The following HSPG2 variants were observed in gnomAD, a reference collection of about 807,000 sequenced individuals.
HSPG2 encodes the protein basement membrane-specific heparan sulfate proteoglycan core protein.
A neutral mutation model predicts 526.6 loss-of-function variants in HSPG2; 278 were observed. The ratio of observed to expected loss-of-function variants is 0.53; its 90% CI spans 0.48 to 0.58. The LOEUF (loss-of-function observed/expected upper bound fraction) is 0.58. Among genes scored for constraint, HSPG2 ranks in the 20% least tolerant of loss-of-function variants. HSPG2 has a pLI of 0.00. For synonymous variants in HSPG2, 2,465 were observed against 2,555.4 expected (o/e 0.96, Z 1.07); for missense variants, 5,354 against 6,099.5 (o/e 0.88, Z 4.07).
chr1:21,830,224 T>C, intron 85 of HSPG2, 133 bp from the exon 86 acceptor site: 1 of 738,876 alleles, frequency 1.4e-6, no homozygotes, highest in East Asian at 2.7e-5. Flanking sequence ...CTGGGAGGCC[T>C]TGGAGGAGGG....
chr1:21,836,929 T>A lies in HSPG2; in HGVS notation c.10228A>T (p.Thr3410Ser). Residue 3410 changes from threonine to serine, a missense_variant, in exon 75 of 97, where the codon ACC becomes TCC. Coordinates refer to ENST00000374695, the MANE Select transcript of HSPG2 (RefSeq NM_005529.7). ...PTVQVTPQLE[T>S]KSIGASVEFH... Reference sequence around the variant, plus strand: ...TCAACGCTGGCCCCAATGCTCTTGGTCTCTAGCTGAGGCGTGACCTGCACG... The same window carrying A: ...TCAACGCTGGCCCCAATGCTCTTGGACTCTAGCTGAGGCGTGACCTGCACG... 6.4e-7 allele frequency: 1 copy of A among 1,557,962 alleles called. No homozygotes were observed. Among genetic ancestry groups the A allele is most frequent in the South Asian group, 1.2e-5 (1 of 84,402 alleles).
chr1:21,906,738 G>GA (rs1263542142), intron 1 of HSPG2, among the ~76,000 whole-genome samples: 3 of 147,134 alleles, frequency 2.0e-5, no homozygotes, highest in African/African-American at 7.4e-5. Context: ...GGGTGGGGGG[G>GA]GGTCACGTGC....
Position 21,887,410 on chromosome 1 carries a change from C to G in HSPG2, c.958+10G>C. The G allele has an allele frequency of 1.2e-6, 2 of 1,613,984 alleles. No homozygotes were observed. Among genetic ancestry groups the G allele is most frequent in the Non-Finnish European group, 1.7e-6 (2 of 1,179,958 alleles). Reference sequence around the variant, plus strand: ...TCCCCGCACCCACCTGCACCCCTGCCGGTGCGCACCACAGTCTAGCTCATC... The same window carrying G: ...TCCCCGCACCCACCTGCACCCCTGCGGGTGCGCACCACAGTCTAGCTCATC... On this transcript the variant is annotated intron_variant, in intron 8 of 96. Transcript: ENST00000374695. This position sits in a 1 kb window ranked among gnomAD's most constrained non-coding sequence, Gnocchi z 5.0.
intron 74 of HSPG2, among the ~76,000 whole-genome samples, chr1:21,837,684 C>T (rs2098032103): frequency 1.3e-5 from 2 of 149,082 alleles, no homozygotes; most frequent in Admixed American, 6.6e-5. Context: ...GACACCTACA[C>T]ATGCAGGGGA....
chr1:21,847,665 C>T lies in HSPG2; in HGVS notation c.8025+24G>A, dbSNP rs563553730. 249 of 1,602,084 alleles carry T rather than the reference C, an allele frequency of 1.6e-4. 1 individual carries two copies. In the East Asian group the frequency reaches 4.6e-3, roughly 29 times the overall value. ...CCCCAGGAGACCATGGTTCCACCCC[C>T]GCTGCTGTGGCTCCACTCTGTACCT... is the stretch of plus-strand genomic sequence containing the variant. On this transcript the variant is annotated intron_variant, in intron 61 of 96. Coordinates refer to ENST00000374695, the MANE Select transcript of HSPG2 (RefSeq NM_005529.7). The surrounding 1 kb of genome is among the most constrained non-coding windows in gnomAD (Gnocchi z 4.1).
In HSPG2 at chr1:21,856,844, G is replaced by A. The variant is rs561635545; in HGVS notation, c.5575+171C>T. 2.0e-5 allele frequency among the ~76,000 whole-genome samples: 3 copies of A among 152,338 alleles called. No individual in the cohort carries two copies. In the East Asian group the frequency reaches 5.8e-4, roughly 29 times the overall value. On this transcript the variant is annotated intron_variant, in intron 44 of 96. Transcript: ENST00000374695. The stretch of plus-strand genomic sequence containing the variant: ...CTGCCTAGGACGTGTACTTCAGGAG[G>A]ACCGAGATACTGTACATGCTTCTCT...
Position 21,889,970 on chromosome 1 carries a change from G to T in HSPG2, c.574+11C>A. 1 of 1,613,974 alleles carries T rather than the reference G, an allele frequency of 6.2e-7. No individual in the cohort carries two copies. Among genetic ancestry groups the T allele is most frequent in the Non-Finnish European group, 8.5e-7 (1 of 1,179,910 alleles). On this transcript the variant is annotated intron_variant, in intron 6 of 96. Coordinates refer to ENST00000374695, the MANE Select transcript of HSPG2 (RefSeq NM_005529.7). ...TGGAGGAGGCGATCCCAGACACCAG[G>T]ATAGGCTCACCTGTGCCCAGGCGTC...
rs112617139 is a variant in HSPG2, at chr1:21,872,448, G to A, written c.4030-71C>T. 5.0e-4 allele frequency: 719 copies of A among 1,451,014 alleles called. 4 individuals are homozygous for A. In the African/African-American group the frequency reaches 9.1e-3, roughly 18 times the overall value. The allele number at this position is 1,451,014 out of a possible 1,614,324, so 89.9% of individuals were successfully genotyped here. A position where few individuals can be genotyped will look rare whatever the true frequency, so the allele number is the denominator to read the frequency against. ...CCTTGGTGGGGGATGGGGCACGGGAGGGTGTTAAGGTGCGGAATGGGGTCC... is the reference window on the plus strand; with the variant it reads ...CCTTGGTGGGGGATGGGGCACGGGAAGGTGTTAAGGTGCGGAATGGGGTCC... On this transcript the variant is annotated intron_variant, in intron 32 of 96. Transcript: ENST00000374695. This position sits in a 1 kb window ranked among gnomAD's most constrained non-coding sequence, Gnocchi z 5.5.
chr1:21,842,501 G>T, intron 67 of HSPG2, 121 bp from the exon 68 acceptor site: 1 of 1,171,540 alleles, frequency 8.5e-7, no homozygotes, highest in Non-Finnish European at 1.2e-6. Flanking sequence ...AGCTGGTAGG[G>T]CTGGTGGAAG....
At chr1:21,842,695 G>A in intron 67 of HSPG2, 75 bp downstream of exon 67, 1 of 1,589,284 alleles carries the variant, frequency 6.3e-7, no homozygotes, top group East Asian at 2.2e-5. Context: ...GTGTTTGCAT[G>A]AGGTTTGGGT....
At position 21,828,324 on chromosome 1, in the gene HSPG2, G is replaced by C; in HGVS notation, c.12340C>G (p.Gln4114Glu). ...GCGGGCATGCACGTGGCACCATGTT[G>C]GCAAGGCTGGCGCTCACATGGGGAG... ...DSSPCERQPCQHGATCMPAGE... is the reference protein window; with the variant it reads ...DSSPCERQPCEHGATCMPAGE... Residue 4114 changes from glutamine to glutamate, a missense_variant, in exon 89 of 97, where the codon CAA (glutamine) becomes GAA (glutamate). Transcript: ENST00000374695. The surrounding 1 kb of genome is among the most constrained non-coding windows in gnomAD (Gnocchi z 6.0). The C allele has an allele frequency of 6.2e-7, 1 of 1,613,796 alleles. No individual in the cohort carries two copies. Among genetic ancestry groups the C allele is most frequent in the Admixed American group, 1.7e-5 (1 of 60,022 alleles).
intron 1 of HSPG2, among the ~76,000 whole-genome samples, chr1:21,926,146 A>T (rs766683370): frequency 6.6e-6 from 1 of 152,190 alleles, no homozygotes; most frequent in Non-Finnish European, 1.5e-5. Flanking sequence ...CTGATGCCTC[A>T]GTTTCCTGCC....
chr1:21,909,472 C>T (rs116650293), intron 1 of HSPG2, among the ~76,000 whole-genome samples: 29 of 152,276 alleles, frequency 1.9e-4, no homozygotes, highest in African/African-American at 6.0e-4. Context: ...TTCCATGTCT[C>T]ACAATGTAAA....
At position 21,847,975 on chromosome 1, in the gene HSPG2, C is replaced by T. The variant is rs1415034787; in HGVS notation, c.7856G>A (p.Gly2619Asp). The stretch of plus-strand genomic sequence containing the variant: ...GCTCTCACCGTGGGAGGAACCGCTG[C>T]CCTGGATGGTGACGATGAGCGAGGT... ...RETSLIVTIQ[G>D]SGSSHVPSVS... Residue 2619 changes from glycine (G) to aspartate (D), a missense_variant, in exon 60 of 97, where the codon GGC becomes GAC. Gly to Asp is a moderately conservative substitution (Grantham distance 94, BLOSUM62 -1). Coordinates refer to ENST00000374695, the MANE Select transcript of HSPG2 (RefSeq NM_005529.7). This position sits in a 1 kb window ranked among gnomAD's most constrained non-coding sequence, Gnocchi z 4.1. 2 of 1,613,812 alleles carry T rather than the reference C, an allele frequency of 1.2e-6. No individual in the cohort carries two copies. Among genetic ancestry groups the T allele is most frequent in the Non-Finnish European group, 1.7e-6 (2 of 1,180,032 alleles).
rs986363048 is a variant in HSPG2 at position 21,839,257 on chromosome 1, C to A, written c.9889+114G>T. On this transcript the variant is annotated intron_variant, in intron 73 of 96. Transcript: ENST00000374695. The surrounding 1 kb of genome is among the most constrained non-coding windows in gnomAD (Gnocchi z 4.5). ...TGTCGGGCAGGGCAGGCTCCAGGAC[C>A]CTGCAGCGCCTGGAGACCTCTGGAT... 4 of 1,460,112 alleles carry A rather than the reference C, an allele frequency of 2.7e-6. No homozygotes were observed. The highest frequency in any genetic ancestry group is 3.8e-6 in the Non-Finnish European group (4 of 1,056,108). 90.4% of individuals were successfully genotyped at this position (1,460,112 alleles called of 1,614,324 possible).
chr1:21,895,328 T>A lies in HSPG2; in HGVS notation c.244+594A>T, dbSNP rs1642668779. On this transcript the variant is annotated intron_variant, in intron 3 of 96. Coordinates refer to ENST00000374695, the MANE Select transcript of HSPG2 (RefSeq NM_005529.7). This position sits in a 1 kb window ranked among gnomAD's most constrained non-coding sequence, Gnocchi z 4.1. ...GGACTATAAGTCCCCATCCCAGTGC[T>A]GGGCCAGTCTGACCAGGGTGGGGGC... 6.6e-6 allele frequency among the ~76,000 whole-genome samples: 1 copy of A among 152,174 alleles called. No individual in the cohort carries two copies. The highest frequency in any genetic ancestry group is 2.4e-5 in the African/African-American group (1 of 41,446).
intron 1 of HSPG2, among the ~76,000 whole-genome samples, chr1:21,935,065 C>T (rs187115206): frequency 6.6e-6 from 1 of 151,944 alleles, no homozygotes; most frequent in Non-Finnish European, 1.5e-5. Flanking sequence ...CGCCACCACA[C>T]CCGTCTAATT....
rs568588231 is a variant in HSPG2 at position 21,887,436 on chromosome 1, G to T, written c.942C>A (p.Ser314Arg). 1 of 1,614,038 alleles carries T rather than the reference G, an allele frequency of 6.2e-7. No homozygotes were observed. The highest frequency in any genetic ancestry group is 2.2e-5 in the East Asian group (1 of 44,872). ...CDGQEDCEDG[S>R]DELDCGPPPP... ...GGTGCGCACCACAGTCTAGCTCATC[G>T]CTGCCGTCCTCGCAGTCCTCCTGTC... The change falls in exon 8 of 97, where the codon AGC becomes AGA. Residue 314 changes from serine (S) to arginine (R), a missense_variant. Coordinates refer to ENST00000374695, the MANE Select transcript of HSPG2 (RefSeq NM_005529.7). The surrounding 1 kb of genome is among the most constrained non-coding windows in gnomAD (Gnocchi z 5.0).
At position 21,864,309 on chromosome 1, in the gene HSPG2, G is replaced by T. The variant is rs1640052790; in HGVS notation, c.4627-96C>A. 1 of 1,023,624 alleles carries T rather than the reference G, an allele frequency of 9.8e-7. No individual in the cohort carries two copies. Among genetic ancestry groups the T allele is most frequent in the Non-Finnish European group, 1.5e-6 (1 of 668,114 alleles). The allele number at this position is 1,023,624 out of a possible 1,614,324, so 63.4% of individuals were successfully genotyped here. ...CTCCCTCCAGTGTCCTCCCAGGGGT[G>T]ACCCTGGAACATCACAGGCCGGCGC... On this transcript the variant is annotated intron_variant, in intron 36 of 96. Coordinates refer to ENST00000374695, the MANE Select transcript of HSPG2 (RefSeq NM_005529.7). This position sits in a 1 kb window ranked among gnomAD's most constrained non-coding sequence, Gnocchi z 4.8.
Sources: gnomAD v4.1 joint callset for allele counts (sites outside exome capture counted in the v4.1 genomes callset) on GRCh38, gnomAD v4.1.1 for gene constraint, Gnocchi (gnomAD v3.1) non-coding constraint, MANE v1.5 for transcripts, NCBI Gene and HGNC (gene_info 2026-07-23, HGNC 2026-07-21) for gene names.